The following C8orf88 variants were observed in gnomAD, a reference collection of about 807,000 sequenced individuals.
The protein encoded by C8orf88 is uncharacterized protein C8orf88.
C8orf88 carries 14 observed loss-of-function variants against 18.4 expected under a neutral mutation model. The ratio of observed to expected loss-of-function variants is 0.76; its 90% CI spans 0.50 to 1.19. The LOEUF is 1.19. Among genes scored for constraint, C8orf88 ranks in the 50% most tolerant of loss-of-function variants. The pLI is 0.00. For missense variants in C8orf88, 116 were observed against 134.7 expected (o/e 0.86, Z 0.69); for synonymous variants, 45 against 42.9 (o/e 1.05, Z -0.19).
At position 90,984,159 on chromosome 8, in the gene C8orf88, G is replaced by T. The variant is rs192227035; in HGVS notation, c.-27+955C>A. Among the ~76,000 whole-genome samples the T allele has an allele frequency of 1.6e-3, 239 of 152,232 alleles. 1 individual carries two copies. The highest frequency in any genetic ancestry group is 5.6e-3 in the African/African-American group (231 of 41,540). On this transcript the variant is annotated intron_variant, in intron 1 of 5. Transcript: ENST00000517562. Reference sequence around the variant, plus strand: ...CCAATATAAATTCTAGTCTTCTTTGGAAAGTACTGATGCTACCGCTGCCGT... The same window carrying T: ...CCAATATAAATTCTAGTCTTCTTTGTAAAGTACTGATGCTACCGCTGCCGT...
At chr8:90,981,225 C>A (rs1207933949) in intron 1 of C8orf88, among the ~76,000 whole-genome samples, 1 of 152,064 alleles carries the variant, frequency 6.6e-6, no homozygotes, top group Non-Finnish European at 1.5e-5. Flanking sequence ...AAGTCATCAC[C>A]AACTCCCTTG....
rs750086283 is a variant in C8orf88 at position 90,958,814 on chromosome 8, ACCT to A, written c.*190_*192del. The A allele has an allele frequency of 3.5e-5, 15 of 433,072 alleles. No individual in the cohort carries two copies. The highest frequency in any genetic ancestry group is 4.9e-5 in the Non-Finnish European group (12 of 245,860). 26.8% of individuals were successfully genotyped at this position (433,072 alleles called of 1,614,324 possible). A position where few individuals can be genotyped will look rare whatever the true frequency, so the allele number is the denominator to read the frequency against. On this transcript the variant is annotated 3_prime_UTR_variant, in exon 6 of 6. Coordinates refer to ENST00000517562, the MANE Select transcript of C8orf88 (RefSeq NM_001190972.2). ...TGTTACTTCCCAATTTATGCAGGAAACCTCCTGCAAAGCTGAAACTGATTAGAA... is the reference window on the plus strand; with the variant it reads ...TGTTACTTCCCAATTTATGCAGGAAACCTGCAAAGCTGAAACTGATTAGAA...
intron 1 of C8orf88, among the ~76,000 whole-genome samples, chr8:90,982,172 G>A (rs1052718918): frequency 2.6e-5 from 4 of 151,922 alleles, no homozygotes; most frequent in African/African-American, 9.7e-5. Flanking sequence ...ATTTCAACGT[G>A]GCAAAACTAA....
chr8:90,962,140 T>C (rs1811136446), intron 4 of C8orf88, among the ~76,000 whole-genome samples: 1 of 151,564 alleles, frequency 6.6e-6, no homozygotes, highest in Non-Finnish European at 1.5e-5. Context: ...ACCAAAAATT[T>C]TGGGTCTGGC....
rs999912285 is a variant in C8orf88, at chr8:90,985,124, T to C, written c.-37A>G. ...TCCCTAGCCACTTACCGACTCAAAA[T>C]CCACGGGGATTTCGGGGCAGCAGCG... is the stretch of plus-strand genomic sequence containing the variant. On this transcript the variant is annotated 5_prime_UTR_variant, in exon 1 of 6. Transcript: ENST00000517562. 2.0e-5 allele frequency: 3 copies of C among 152,016 alleles called. No individual in the cohort carries two copies. Among genetic ancestry groups the C allele is most frequent in the Non-Finnish European group, 4.4e-5 (3 of 68,010 alleles). 9.4% of individuals were successfully genotyped at this position (152,016 alleles called of 1,614,324 possible). A position where few individuals can be genotyped will look rare whatever the true frequency, so the allele number is the denominator to read the frequency against.
At chr8:90,975,162 T>C (rs564805626) in intron 3 of C8orf88, among the ~76,000 whole-genome samples, 1 of 152,280 alleles carries the variant, frequency 6.6e-6, no homozygotes, top group Non-Finnish European at 1.5e-5. Context: ...GCCAATAGAC[T>C]TTTTGTAGAA....
intron 4 of C8orf88, among the ~76,000 whole-genome samples, chr8:90,965,221 A>G (rs1811177870): frequency 6.6e-6 from 1 of 151,794 alleles, no homozygotes; most frequent in Non-Finnish European, 1.5e-5. Flanking sequence ...AAGAGAGCTG[A>G]AGTGAGTATA....
At chr8:90,960,686 T>C (rs1284531449) in intron 5 of C8orf88, 56 bp downstream of exon 5, 1 of 1,022,806 alleles carries the variant, frequency 9.8e-7, no homozygotes, top group Admixed American at 2.6e-5. Context: ...ATGAAAATGT[T>C]AAAGAAAAAT....
At chr8:90,980,596 A>G (rs1217877262) in intron 1 of C8orf88, 135 bp from the exon 2 acceptor site, 1 of 517,860 alleles carries the variant, frequency 1.9e-6, no homozygotes, top group Non-Finnish European at 3.4e-6. Context: ...ACAAAAAAGC[A>G]TTTAATATGC....
At chr8:90,966,100 AC>A in intron 4 of C8orf88, among the ~76,000 whole-genome samples, 1 of 151,844 alleles carries the variant, frequency 6.6e-6, no homozygotes, top group Middle Eastern at 3.4e-3. Context: ...GGTTTTTTCA[AC>A]CCAAATGTCC....
At chr8:90,978,298 A>G (rs139597589) in intron 3 of C8orf88, among the ~76,000 whole-genome samples, 24 of 152,342 alleles carry the variant, frequency 1.6e-4, no homozygotes, top group Middle Eastern at 3.4e-3. Flanking sequence ...ATAGTTATCC[A>G]TGGGCAGGAC....
chr8:90,971,165 C>A (rs1353353379), intron 3 of C8orf88, 24 bp from the exon 4 acceptor site: 33 of 1,341,948 alleles, frequency 2.5e-5, no homozygotes, highest in Non-Finnish European at 3.0e-5. Context: ...AGAAAATAAA[C>A]TTTTTAACTC....
intron 3 of C8orf88, 52 bp downstream of exon 3, chr8:90,978,527 T>C (rs965614590): frequency 6.0e-6 from 7 of 1,159,986 alleles, no homozygotes; most frequent in Non-Finnish European, 8.5e-6. Flanking sequence ...ATCTAACACA[T>C]GTTACTTTCC....
chr8:90,965,776 A>T lies in C8orf88; in HGVS notation c.224-4928T>A, dbSNP rs767235223. On this transcript the variant is annotated intron_variant, in intron 4 of 5. Coordinates refer to ENST00000517562, the MANE Select transcript of C8orf88 (RefSeq NM_001190972.2). ...TATGTGTAAATTAAAACACACTCTT[A>T]TACAGCCAATGCATCAAAGAATAAA... Among the ~76,000 whole-genome samples, 2 of 151,924 alleles carry T rather than the reference A, an allele frequency of 1.3e-5. 1 individual carries two copies. Among genetic ancestry groups the T allele is most frequent in the South Asian group, 4.1e-4 (2 of 4,830 alleles).
chr8:90,968,948 T>C (rs994878018), intron 4 of C8orf88, among the ~76,000 whole-genome samples: 17 of 151,318 alleles, frequency 1.1e-4, no homozygotes, highest in African/African-American at 3.9e-4. Context: ...CCACTAGGAT[T>C]GCTTATAATA....
chr8:90,960,550 CT>C (rs1355187694), intron 5 of C8orf88, among the ~76,000 whole-genome samples, 191 bp downstream of exon 5: 1 of 151,276 alleles, frequency 6.6e-6, no homozygotes, highest in Non-Finnish European at 1.5e-5. Flanking sequence ...CAAAATACAG[CT>C]ATTCCATTCT....
At position 90,974,201 on chromosome 8, in the gene C8orf88, G is replaced by A. The variant is rs1034735605; in HGVS notation, c.148-3060C>T. Among the ~76,000 whole-genome samples, 8 of 152,214 alleles carry A rather than the reference G, an allele frequency of 5.3e-5. No homozygotes were observed. The East Asian group carries it at 1.5e-3, about 29-fold the overall frequency. On this transcript the variant is annotated intron_variant, in intron 3 of 5. Coordinates refer to ENST00000517562, the MANE Select transcript of C8orf88 (RefSeq NM_001190972.2). ...TCACTTAAATCTTGGCAAAATCTAT[G>A]ACTGCTCCTACCAATATACATTTCA...
chr8:90,982,763 A>AT (rs928096814), intron 1 of C8orf88, among the ~76,000 whole-genome samples: 16 of 151,686 alleles, frequency 1.1e-4, no homozygotes, highest in Non-Finnish European at 1.8e-4. Flanking sequence ...TCTGTTTAAT[A>AT]TTTTTTTTTA....
chr8:90,975,755 A>T (rs767803672), intron 3 of C8orf88, among the ~76,000 whole-genome samples: 6 of 152,078 alleles, frequency 3.9e-5, no homozygotes, highest in Non-Finnish European at 7.4e-5. Context: ...AAACAAACTT[A>T]CTATATGATC....
Sources: allele counts gnomAD v4.1 joint callset (sites outside exome capture counted in the v4.1 genomes callset), GRCh38; gene constraint gnomAD v4.1.1; transcripts MANE v1.5; gene names NCBI Gene and HGNC (gene_info 2026-07-23, HGNC 2026-07-21).